ANKRD13C: variants seen among roughly 807,000 people sequenced by gnomAD.
ANKRD13C encodes the protein ankyrin repeat domain 13C, also known as ankyrin repeat domain-containing protein 13C.
ANKRD13C carries 16 observed loss-of-function variants against 65.5 expected under a neutral mutation model. The observed-to-expected ratio is 0.24, with a 90% CI of 0.17 to 0.37. ANKRD13C has a LOEUF of 0.37. Among genes scored for constraint, ANKRD13C ranks in the 10% least tolerant of loss-of-function variants. The pLI is 1.00. For synonymous variants in ANKRD13C, 235 were observed against 238.7 expected (o/e 0.98, Z 0.14); for missense variants, 503 against 655.9 (o/e 0.77, Z 2.55).
chr1:70,352,208 T>C (rs1051005032), intron 1 of ANKRD13C, among the ~76,000 whole-genome samples: 1 of 151,790 alleles, frequency 6.6e-6, no homozygotes, highest in African/African-American at 2.4e-5. Context: ...GGCGCGGTGG[T>C]GGGCGCCTGT....
At chr1:70,278,422 GGCAGAGATT>G (rs1381096958) in intron 9 of ANKRD13C, among the ~76,000 whole-genome samples, 1 of 151,688 alleles carries the variant, frequency 6.6e-6, no homozygotes, top group Non-Finnish European at 1.5e-5. Flanking sequence ...GAACCCAGGA[GGCAGAGATT>G]GCAGTGACCT....
chr1:70,309,725 A>AT (rs1335467878), intron 5 of ANKRD13C, among the ~76,000 whole-genome samples: 13 of 144,190 alleles, frequency 9.0e-5, no homozygotes, highest in East Asian at 6.4e-4. Context: ...CAAAAAAAAA[A>AT]AAAAAAAAAT....
chr1:70,280,024 T>G (rs1181696327), intron 9 of ANKRD13C, among the ~76,000 whole-genome samples: 1 of 152,146 alleles, frequency 6.6e-6, no homozygotes, highest in Non-Finnish European at 1.5e-5. Flanking sequence ...GAAAGAAGCC[T>G]GAAAAAGCCA....
intron 8 of ANKRD13C, among the ~76,000 whole-genome samples, chr1:70,294,959 C>A (rs1303361961): frequency 6.6e-6 from 1 of 152,052 alleles, no homozygotes; most frequent in Non-Finnish European, 1.5e-5. Flanking sequence ...AACCACTCCT[C>A]AAAATAAATC....
At chr1:70,330,479 A>G (rs1371654190) in intron 2 of ANKRD13C, among the ~76,000 whole-genome samples, 1 of 150,376 alleles carries the variant, frequency 6.6e-6, no homozygotes, top group African/African-American at 2.5e-5. Context: ...AATTGCTTGA[A>G]CTTGGGAGGT....
In ANKRD13C at chr1:70,274,740, T is replaced by C. The variant is rs532736772; in HGVS notation, c.1374A>G (p.Glu458=). 2.5e-4 allele frequency: 408 copies of C among 1,613,108 alleles called. 5 individuals are homozygous for C. In the South Asian group the frequency reaches 4.2e-3, roughly 17 times the overall value. ...TFKATIAMSQ[E]FPLGIELLLN... The stretch of plus-strand genomic sequence containing the variant: ...CTTACAACTCTATCCCTAAGGGAAA[T>C]TCCTGGCTCATGGCTATCGTAGCTT... The change falls in exon 11 of 13, where the codon GAA becomes GAG. Residue 458 remains glutamate (E), a synonymous_variant. Transcript: ENST00000370944.
chr1:70,272,287 G>A (rs1474061305), intron 11 of ANKRD13C, among the ~76,000 whole-genome samples: 7 of 151,440 alleles, frequency 4.6e-5, no homozygotes, highest in East Asian at 2.0e-4. Flanking sequence ...GTGCAATGGC[G>A]TGATGTCGGC....
At chr1:70,281,969 C>A (rs527549483) in intron 9 of ANKRD13C, among the ~76,000 whole-genome samples, 2 of 150,824 alleles carry the variant, frequency 1.3e-5, no homozygotes, top group Non-Finnish European at 2.9e-5. Flanking sequence ...CACTGCACTC[C>A]AGTATGGGCA....
intron 1 of ANKRD13C, 79 bp from the exon 2 acceptor site, chr1:70,336,178 C>T: frequency 3.0e-6 from 1 of 332,122 alleles, no homozygotes; most frequent in Non-Finnish European, 5.3e-6. Context: ...GTTTCAGCTC[C>T]TTCAGAAATT....
In ANKRD13C at chr1:70,270,868, G is replaced by T; in HGVS notation, c.1483C>A (p.Pro495Thr). 6.2e-7 allele frequency: 1 copy of T among 1,607,718 alleles called. No individual in the cohort carries two copies. Among genetic ancestry groups the T allele is most frequent in the South Asian group, 1.1e-5 (1 of 90,370 alleles). The change falls in exon 12 of 13, where the codon CCT becomes ACT. Residue 495 changes from proline to threonine, a missense_variant. Coordinates refer to ENST00000370944, the MANE Select transcript of ANKRD13C (RefSeq NM_030816.5). The stretch of plus-strand genomic sequence containing the variant: ...TTTTTTCTCTTACCTAATTTTACAG[G>T]AAAGCCTGGAGGAAGCTTCATCTGA... Reference protein sequence around the residue: ...FVQMKLPPGFPVKLDIPVFPT... With the variant: ...FVQMKLPPGFTVKLDIPVFPT...
At chr1:70,337,286 A>G (rs1682083763) in intron 1 of ANKRD13C, among the ~76,000 whole-genome samples, 1 of 152,170 alleles carries the variant, frequency 6.6e-6, no homozygotes, top group African/African-American at 2.4e-5. Flanking sequence ...TCACTACACT[A>G]AAGTCATCTC....
chr1:70,307,340 C>T (rs1680630698), intron 5 of ANKRD13C, among the ~76,000 whole-genome samples: 1 of 151,638 alleles, frequency 6.6e-6, no homozygotes, highest in South Asian at 2.1e-4. Context: ...AGTTCAAGAC[C>T]GGCCTGGGCA....
chr1:70,332,479 G>A (rs1335583747), intron 2 of ANKRD13C, among the ~76,000 whole-genome samples: 2 of 152,114 alleles, frequency 1.3e-5, no homozygotes, highest in Admixed American at 1.3e-4. Context: ...ATTTGTTGTT[G>A]TTGTTGAAAC....
rs751117446 is a variant in ANKRD13C, at chr1:70,354,076, G to T, written c.333C>A (p.Pro111=). ...VAVVADGGSC[P]AHYPVHECVF... is the part of the protein sequence containing the mutation. ...CGCACTCGTGCACCGGGTAGTGTGC[G>T]GGGCAACTGCCTCCATCCGCGACGA... Residue 111 remains proline, a synonymous_variant, in exon 1 of 13, where the codon CCC becomes CCA. Coordinates refer to ENST00000370944, the MANE Select transcript of ANKRD13C (RefSeq NM_030816.5). The T allele has an allele frequency of 2.1e-5, 34 of 1,610,122 alleles. No homozygotes were observed. The Admixed American group carries it at 5.7e-4, about 27-fold the overall frequency.
intron 8 of ANKRD13C, 52 bp from the exon 9 acceptor site, chr1:70,292,601 T>C (rs1558277280): frequency 7.4e-7 from 1 of 1,358,826 alleles, no homozygotes; most frequent in Non-Finnish European, 1.0e-6. Flanking sequence ...AAAAAAAGTG[T>C]CAAGGTAATA....
At chr1:70,324,714 C>G (rs1375938510) in intron 3 of ANKRD13C, 139 bp downstream of exon 3, 1 of 534,076 alleles carries the variant, frequency 1.9e-6, no homozygotes, top group Admixed American at 3.6e-5. Flanking sequence ...GTTCCTAAGT[C>G]ATGAATAATT....
chr1:70,322,418 T>G (rs546536862), intron 3 of ANKRD13C, among the ~76,000 whole-genome samples: 1 of 152,288 alleles, frequency 6.6e-6, no homozygotes, highest in South Asian at 2.1e-4. Flanking sequence ...GGTTATATAA[T>G]TACATAATAA....
chr1:70,330,088 C>CA (rs60663093), intron 2 of ANKRD13C, among the ~76,000 whole-genome samples: 1,385 of 76,782 alleles, frequency 0.018, 9 homozygotes, highest in African/African-American at 0.041. Context: ...TATTCCGTCT[C>CA]AAAAAAAAAA....
intron 4 of ANKRD13C, among the ~76,000 whole-genome samples, chr1:70,314,902 T>TA (rs1482386582): frequency 6.6e-6 from 1 of 152,142 alleles, no homozygotes; most frequent in Non-Finnish European, 1.5e-5. Flanking sequence ...ACCCAGCTCT[T>TA]ACCACAAGGA....
Sources: allele counts gnomAD v4.1 joint callset (sites outside exome capture counted in the v4.1 genomes callset), GRCh38; gene constraint gnomAD v4.1.1; transcripts MANE v1.5; gene names NCBI Gene and HGNC (gene_info 2026-07-23, HGNC 2026-07-21).